Variants in DPP6 observed in about 807,000 individuals in gnomAD.
The protein encoded by DPP6 is A-type potassium channel modulatory protein DPP6.
DPP6 carries 69 observed loss-of-function variants against 122.6 expected under a neutral mutation model. The ratio of observed to expected loss-of-function variants is 0.56; its 90% CI spans 0.46 to 0.69. The LOEUF (loss-of-function observed/expected upper bound fraction) is 0.69. DPP6 is among the 30% of genes least tolerant of loss of function. The pLI is 0.00. For synonymous variants in DPP6, 418 were observed against 433.1 expected, an observed-to-expected ratio of 0.97 and a Z score of 0.43; for missense variants, 928 against 1,116.9, an observed-to-expected ratio of 0.83 and a Z score of 2.41.
At chr7:154,244,667 A>C (rs185524081) in intron 1 of DPP6, among the ~76,000 whole-genome samples, 1 of 152,182 alleles carries the variant, frequency 6.6e-6, no homozygotes, top group Non-Finnish European at 1.5e-5. Context: ...GCACATTGTA[A>C]TCCCTAGAGT....
intron 7 of DPP6, among the ~76,000 whole-genome samples, chr7:154,719,405 A>G (rs1393596249): frequency 2.0e-5 from 3 of 152,064 alleles, no homozygotes; most frequent in African/African-American, 7.3e-5. Context: ...GGAAGGGAGG[A>G]TGGAACTCAA....
intron 1 of DPP6, among the ~76,000 whole-genome samples, chr7:154,027,898 A>G (rs1279802539): frequency 2.6e-5 from 4 of 151,352 alleles, no homozygotes; most frequent in Non-Finnish European, 4.4e-5. Flanking sequence ...ATGAGCCCAA[A>G]TGTTTTTCCG....
At position 154,304,386 on chromosome 7, in the gene DPP6, C is replaced by T. The variant is rs529673232; in HGVS notation, c.244-141828C>T. Among the ~76,000 whole-genome samples, 8 of 152,298 alleles carry T rather than the reference C, an allele frequency of 5.3e-5. No homozygotes were observed. The East Asian group carries it at 5.8e-4, about 11-fold the overall frequency. On this transcript the variant is annotated intron_variant, in intron 1 of 25. Transcript: ENST00000377770. ...CGCTCTACCCACTAACTGACTGCTC[C>T]GGTGCAGGGAGCCAGGCAGGGGCAG...
rs117833827 is a variant in DPP6 at position 154,340,138 on chromosome 7, A to G, written c.244-106076A>G. 4.4e-3 allele frequency among the ~76,000 whole-genome samples: 665 copies of G among 152,312 alleles called. 2 individuals are homozygous for G. The highest frequency in any genetic ancestry group is 7.3e-3 in the Non-Finnish European group (498 of 68,022). On this transcript the variant is annotated intron_variant, in intron 1 of 25. Coordinates refer to ENST00000377770, the MANE Select transcript of DPP6 (RefSeq NM_130797.4). ...ACAACATCAAAATTGTTTTGGAGCC[A>G]TCTTAGTTGGTTAAGATTGATGTGC...
chr7:154,170,479 C>G (rs1328195953), intron 1 of DPP6, among the ~76,000 whole-genome samples: 1 of 152,226 alleles, frequency 6.6e-6, no homozygotes, highest in Non-Finnish European at 1.5e-5. Context: ...ACAGTGGTCA[C>G]GACCTCGCCC....
intron 7 of DPP6, among the ~76,000 whole-genome samples, chr7:154,722,108 T>C (rs1026539032): frequency 2.6e-5 from 4 of 152,020 alleles, no homozygotes; most frequent in Non-Finnish European, 4.4e-5. Context: ...GGCAGGAGGA[T>C]TGCTTGAGCC....
intron 1 of DPP6, among the ~76,000 whole-genome samples, chr7:153,931,779 A>G (rs912571984): frequency 1.3e-5 from 2 of 152,190 alleles, no homozygotes; most frequent in Admixed American, 6.5e-5. Flanking sequence ...TTGTATTTCA[A>G]CAGCCTCTTA....
chr7:154,352,440 G>A (rs923757033), intron 1 of DPP6, among the ~76,000 whole-genome samples: 1 of 151,944 alleles, frequency 6.6e-6, no homozygotes. Flanking sequence ...TCCAGCCTGG[G>A]CAACAGAGTG....
the DPP6 span, among the ~76,000 whole-genome samples, chr7:153,848,421 T>A: frequency 6.6e-6 from 1 of 152,162 alleles, no homozygotes; most frequent in African/African-American, 2.4e-5. Context: ...CCTTTTGCCA[T>A]AATTTTCTTC....
intron 5 of DPP6, among the ~76,000 whole-genome samples, chr7:154,589,673 A>G (rs1832687235): frequency 6.6e-6 from 1 of 152,222 alleles, no homozygotes; most frequent in African/African-American, 2.4e-5. Context: ...TACATAGGCC[A>G]TATGTAGCTA....
chr7:154,809,671 T>G (rs1190928538), intron 16 of DPP6, among the ~76,000 whole-genome samples: 1 of 152,144 alleles, frequency 6.6e-6, no homozygotes, highest in Non-Finnish European at 1.5e-5. Context: ...GAGGCTGTGT[T>G]TCAAGATGAA....
rs200384245 is a variant in DPP6, at chr7:154,883,383, CCTG to C, written c.2134-2247_2134-2245del. Among the ~76,000 whole-genome samples the C allele has an allele frequency of 1.1e-3, 125 of 118,900 alleles. 3 individuals carry two copies. In the East Asian group the frequency reaches 0.042, roughly 40 times the overall value. The allele number at this position is 118,900 out of a possible 152,430, so 78.0% of individuals were successfully genotyped here. ...ATGCTCACACACACGATTACATACA[CCTG>C]CTCACACACACACACATGCTCACCC... On this transcript the variant is annotated intron_variant, in intron 21 of 25. Transcript: ENST00000377770.
the DPP6 span, among the ~76,000 whole-genome samples, chr7:153,777,556 T>C: frequency 9.1e-6 from 1 of 109,654 alleles, no homozygotes; most frequent in African/African-American, 3.9e-5. Flanking sequence ...TACTCACTGA[T>C]AAAAAGAAAG....
At chr7:154,311,365 G>A (rs1009845077) in intron 1 of DPP6, among the ~76,000 whole-genome samples, 4 of 151,962 alleles carry the variant, frequency 2.6e-5, no homozygotes, top group African/African-American at 7.3e-5. Flanking sequence ...TGGTGGTGGC[G>A]CATGCCTGTT....
chr7:154,008,886 C>G (rs1190587210), intron 1 of DPP6, among the ~76,000 whole-genome samples: 2 of 150,398 alleles, frequency 1.3e-5, no homozygotes, highest in South Asian at 4.2e-4. Context: ...AGGATGGTCT[C>G]GATCTCCTGA....
At chr7:153,859,297 C>T in the DPP6 span, among the ~76,000 whole-genome samples, 2 of 152,046 alleles carry the variant, frequency 1.3e-5, no homozygotes, top group African/African-American at 2.4e-5. Flanking sequence ...CTTGGCTGAG[C>T]GACACATGCA....
intron 1 of DPP6, among the ~76,000 whole-genome samples, chr7:154,178,611 C>T (rs1430634433): frequency 1.3e-5 from 2 of 152,114 alleles, no homozygotes; most frequent in African/African-American, 4.8e-5. Context: ...AACACAGAGC[C>T]TCAGACATAG....
At chr7:154,428,670 A>G (rs1200949770) in intron 1 of DPP6, among the ~76,000 whole-genome samples, 2 of 152,226 alleles carry the variant, frequency 1.3e-5, no homozygotes, top group Non-Finnish European at 2.9e-5. Flanking sequence ...ACTCAGCCAT[A>G]AAAATAACGA....
rs1269008667 is a variant in DPP6, at chr7:154,648,645, C to G, written c.680+10772C>G. Among the ~76,000 whole-genome samples, 3 of 152,080 alleles carry G rather than the reference C, an allele frequency of 2.0e-5. No homozygotes were observed. The South Asian group carries it at 6.2e-4, about 32-fold the overall frequency. On this transcript the variant is annotated intron_variant, in intron 6 of 25. Transcript: ENST00000377770. ...AATAAAAATCACGCTTTCGGCCGGG[C>G]GTGGTGGCTCACATCTGTAATCCCA...
Sources: gnomAD v4.1 joint callset for allele counts (sites outside exome capture counted in the v4.1 genomes callset) on GRCh38, gnomAD v4.1.1 for gene constraint, MANE v1.5 for transcripts, NCBI Gene and HGNC (gene_info 2026-07-23, HGNC 2026-07-21) for gene names.